KIAA0319: variants seen among roughly 807,000 people sequenced by gnomAD.
KIAA0319 encodes the protein dyslexia-associated protein KIAA0319.
In KIAA0319, 83 loss-of-function variants were observed where a neutral mutation model predicts 108.4. The observed-to-expected ratio is 0.77, with a 90% confidence interval of 0.64 to 0.92. KIAA0319 has a LOEUF of 0.92. Among genes scored for constraint, KIAA0319 ranks in the 40% least tolerant of loss-of-function variants. The probability of loss-of-function intolerance (pLI) is 0.00; values close to 1 mark genes in which losing one functional copy is unlikely to be tolerated. For synonymous variants in KIAA0319, 484 were observed against 510.4 expected (o/e 0.95, Z 0.70); for missense variants, 1,195 against 1,322.4 (o/e 0.90, Z 1.49).
In KIAA0319 at chr6:24,588,790, G is replaced by A. The variant is rs374932308; in HGVS notation, c.802-5C>T. 17 of 1,609,054 alleles carry A rather than the reference G, an allele frequency of 1.1e-5. No individual in the cohort carries two copies. The highest frequency in any genetic ancestry group is 3.4e-5 in the Admixed American group (2 of 59,376). ...ACTATGGGAAGGCATTAGAACCTAC[G>A]AGATCAATTACAAGGATAAATTGTT... On this transcript the variant is annotated splice_region_variant and splice_polypyrimidine_tract_variant and intron_variant, in intron 3 of 20. Coordinates refer to ENST00000378214, the MANE Select transcript of KIAA0319 (RefSeq NM_014809.4).
chr6:24,546,157 C>T lies in KIAA0319; in HGVS notation c.*1008G>A, dbSNP rs75476156. ...TATTTTTAAACATATGAAGTGAATACATCTATGTCAAGTTATTTTGGAAAG... is the reference window on the plus strand; with the variant it reads ...TATTTTTAAACATATGAAGTGAATATATCTATGTCAAGTTATTTTGGAAAG... On this transcript the variant is annotated 3_prime_UTR_variant, in exon 21 of 21. Transcript: ENST00000378214. 6.6e-6 allele frequency: 1 copy of T among 152,076 alleles called. No homozygotes were observed. Among genetic ancestry groups the T allele is most frequent in the Non-Finnish European group, 1.5e-5 (1 of 68,010 alleles). The allele number at this position is 152,076 out of a possible 1,614,324, so 9.4% of individuals were successfully genotyped here.
In KIAA0319 at chr6:24,546,320, T is replaced by C. The variant is rs566150245; in HGVS notation, c.*845A>G. On this transcript the variant is annotated 3_prime_UTR_variant, in exon 21 of 21. Coordinates refer to ENST00000378214, the MANE Select transcript of KIAA0319 (RefSeq NM_014809.4). ...GTCCAAACGCACAGCCTACAGAACA[T>C]AATAAATGCTTAATGAATTAATCAC... 1.3e-5 allele frequency: 2 copies of C among 152,216 alleles called. No homozygotes were observed. The highest frequency in any genetic ancestry group is 3.9e-4 in the East Asian group (2 of 5,188). 9.4% of individuals were successfully genotyped at this position (152,216 alleles called of 1,614,324 possible).
At chr6:24,589,917 A>T (rs1283539895) in intron 3 of KIAA0319, among the ~76,000 whole-genome samples, 1 of 152,208 alleles carries the variant, frequency 6.6e-6, no homozygotes, top group Non-Finnish European at 1.5e-5. Flanking sequence ...TAAACTAAAC[A>T]GTGTGTGCTG....
At chr6:24,644,640 C>T (rs550823325) in intron 1 of KIAA0319, among the ~76,000 whole-genome samples, 1 of 151,452 alleles carries the variant, frequency 6.6e-6, no homozygotes, top group Admixed American at 6.6e-5. Flanking sequence ...AATTTAACAG[C>T]AACTCTATTC....
Position 24,601,163 on chromosome 6 carries a change from C to T in KIAA0319, c.-60G>A, listed in dbSNP as rs1168425702. On this transcript the variant is annotated 5_prime_UTR_variant, in exon 2 of 21. Transcript: ENST00000378214. The stretch of plus-strand genomic sequence containing the variant: ...AGGCGGCCCTGAAGAGAGTTTGGTG[C>T]AAGCTTCCTTTGATGTTTTTTAGGA... 5.6e-6 allele frequency: 9 copies of T among 1,593,780 alleles called. No individual in the cohort carries two copies. Among genetic ancestry groups the T allele is most frequent in the Non-Finnish European group, 8.5e-7 (1 of 1,170,252 alleles).
rs1760533774 is a variant in KIAA0319 at position 24,545,633 on chromosome 6, T to C, written c.*1532A>G. 6.6e-6 allele frequency: 1 copy of C among 152,176 alleles called. No homozygotes were observed. The highest frequency in any genetic ancestry group is 1.5e-5 in the Non-Finnish European group (1 of 68,020). The allele number at this position is 152,176 out of a possible 1,614,324, so 9.4% of individuals were successfully genotyped here. On this transcript the variant is annotated 3_prime_UTR_variant, in exon 21 of 21. Transcript: ENST00000378214. Reference sequence around the variant, plus strand: ...CAAAGCAATTATTTTAAAAATAAAATGACACACTTTTTAGTTCTGCCTTTC... The same window carrying C: ...CAAAGCAATTATTTTAAAAATAAAACGACACACTTTTTAGTTCTGCCTTTC...
intron 1 of KIAA0319, among the ~76,000 whole-genome samples, chr6:24,620,872 T>C (rs1582270593): frequency 6.6e-6 from 1 of 152,354 alleles, no homozygotes; most frequent in East Asian, 1.9e-4. Flanking sequence ...TTTTAACATA[T>C]GAATTTTGGG....
rs746459020 is a variant in KIAA0319 at position 24,564,283 on chromosome 6, C to A, written c.2350G>T (p.Gly784Trp). ...VALQLTNLVE[G>W]VYTFHLRVTD... ...ACTCGCAAGTGGAAAGTGTACACCC[C>A]CTCCACCAGATTCGTAAGCTGCAGA... is the stretch of plus-strand genomic sequence containing the variant. Residue 784 changes from glycine to tryptophan, a missense_variant, in exon 15 of 21, where the codon GGG (glycine) becomes TGG (tryptophan). Physicochemically the swap from Gly to Trp is radical, Grantham distance 184. Transcript: ENST00000378214. 1.9e-6 allele frequency: 3 copies of A among 1,614,156 alleles called. No homozygotes were observed. In the East Asian group the frequency reaches 6.7e-5, roughly 36 times the overall value.
At position 24,636,080 on chromosome 6, in the gene KIAA0319, CT is replaced by C. The variant is rs58310690; in HGVS notation, c.-106+9655del. Among the ~76,000 whole-genome samples, 987 of 152,310 alleles carry C rather than the reference CT, an allele frequency of 6.5e-3. 6 individuals carry two copies. Among genetic ancestry groups the C allele is most frequent in the African/African-American group, 0.022 (922 of 41,570 alleles). ...GCCAAGATATGCCTCTTTATGGGGA[CT>C]TTGCTTTAACAACCTGTGGAGTATT... is the stretch of plus-strand genomic sequence containing the variant. On this transcript the variant is annotated intron_variant, in intron 1 of 20. Transcript: ENST00000378214.
chr6:24,568,943 A>C lies in KIAA0319; in HGVS notation c.1992-14T>G. 1 of 1,613,436 alleles carries C rather than the reference A, an allele frequency of 6.2e-7. No homozygotes were observed. Among genetic ancestry groups the C allele is most frequent in the Non-Finnish European group, 8.5e-7 (1 of 1,179,402 alleles). On this transcript the variant is annotated splice_polypyrimidine_tract_variant and intron_variant, in intron 12 of 20. Transcript: ENST00000378214. ...GCACTGGGGCCTCTATAAAACATAG[A>C]AGTGGTTAACATAAGGGAGGGGGCA...
chr6:24,636,428 A>G (rs1776213144), intron 1 of KIAA0319, among the ~76,000 whole-genome samples: 2 of 152,258 alleles, frequency 1.3e-5, no homozygotes, highest in Non-Finnish European at 2.9e-5. Context: ...GCACCAAAAT[A>G]AACTTGTACT....
In KIAA0319 at chr6:24,601,195, T is replaced by A; in HGVS notation, c.-92A>T. The A allele has an allele frequency of 6.4e-7, 1 of 1,562,440 alleles. No individual in the cohort carries two copies. ...CCTTTGATGTTTTTTAGGAGCCAGA[T>A]TTGGCCTCAAGAACTTCAAAGGAAA... On this transcript the variant is annotated 5_prime_UTR_variant, in exon 2 of 21. Coordinates refer to ENST00000378214, the MANE Select transcript of KIAA0319 (RefSeq NM_014809.4).
At chr6:24,611,402 G>A (rs1323807368) in intron 1 of KIAA0319, among the ~76,000 whole-genome samples, 2 of 152,114 alleles carry the variant, frequency 1.3e-5, no homozygotes, top group Non-Finnish European at 2.9e-5. Context: ...AGGAGGCTGA[G>A]GGATGAGAAT....
At chr6:24,554,224 T>C (rs1185827683) in intron 19 of KIAA0319, among the ~76,000 whole-genome samples, 1 of 152,204 alleles carries the variant, frequency 6.6e-6, no homozygotes, top group African/African-American at 2.4e-5. Flanking sequence ...TCCCAAACAA[T>C]GGTCACAGAA....
intron 3 of KIAA0319, 24 bp from the exon 4 acceptor site, chr6:24,588,809 A>C: frequency 6.3e-7 from 1 of 1,576,732 alleles, no homozygotes; most frequent in African/African-American, 1.4e-5. Context: ...TACAAGGATA[A>C]ATTGTTATTA....
At chr6:24,621,010 C>G (rs975933781) in intron 1 of KIAA0319, among the ~76,000 whole-genome samples, 1 of 152,160 alleles carries the variant, frequency 6.6e-6, no homozygotes, top group African/African-American at 2.4e-5. Context: ...TGGAAGAAAA[C>G]TGAGAAGCAT....
At chr6:24,563,071 C>A (rs1283395511) in intron 16 of KIAA0319, among the ~76,000 whole-genome samples, 1 of 152,130 alleles carries the variant, frequency 6.6e-6, no homozygotes, top group East Asian at 1.9e-4. Context: ...GACCCCTTGC[C>A]CAGCTCTGAA....
At chr6:24,542,779 C>T (rs1019587576), downstream of KIAA0319, among the ~76,000 whole-genome samples, 1 of 152,204 alleles carries the variant, frequency 6.6e-6, no homozygotes, top group African/African-American at 2.4e-5. Context: ...TACTGAGTTC[C>T]CCCCAAAACC....
chr6:24,631,655 CT>C (rs377061915), intron 1 of KIAA0319, among the ~76,000 whole-genome samples: 1 of 129,088 alleles, frequency 7.7e-6, no homozygotes, highest in Non-Finnish European at 1.5e-5. Flanking sequence ...TTTAAATATT[CT>C]CCCTAATTAT....
Sources: gnomAD v4.1 joint callset for allele counts (sites outside exome capture counted in the v4.1 genomes callset) on GRCh38, gnomAD v4.1.1 for gene constraint, MANE v1.5 for transcripts, NCBI Gene and HGNC (gene_info 2026-07-23, HGNC 2026-07-21) for gene names.